ITPK1: variants seen among roughly 807,000 people sequenced by gnomAD.
ITPK1 encodes the protein inositol 1,3,4-trisphosphate 5/6-kinase.
In ITPK1, 21 loss-of-function variants were observed where a neutral mutation model predicts 45.3. The observed-to-expected ratio is 0.46, with a 90% confidence interval of 0.33 to 0.67. The LOEUF is 0.67. ITPK1 is among the 30% of genes least tolerant of loss of function. The probability of loss-of-function intolerance (pLI) is 0.02; values close to 1 mark genes in which losing one functional copy is unlikely to be tolerated. For missense variants in ITPK1, 474 were observed against 573.5 expected (o/e 0.83, Z 1.77); for synonymous variants, 258 against 253.6 (o/e 1.02, Z -0.16).
intron 2 of ITPK1, among the ~76,000 whole-genome samples, chr14:93,109,118 G>T (rs1226385731): frequency 2.6e-5 from 4 of 152,296 alleles, no homozygotes; most frequent in Non-Finnish European, 5.9e-5. Context: ...GTATTGTCAT[G>T]CTGCCCATAC....
rs539077038 is a variant in ITPK1, at chr14:93,012,786, T to G, written c.246+3890A>C. ...GATAAAGACAGGGCAAAGGCAGCAG[T>G]TGAGACTGAAACTTCCTTCTTAGTC... is the stretch of plus-strand genomic sequence containing the variant. On this transcript the variant is annotated intron_variant, in intron 4 of 10. Transcript: ENST00000267615. The surrounding 1 kb of genome is among the most constrained non-coding windows in gnomAD (Gnocchi z 4.9). Among the ~76,000 whole-genome samples the G allele has an allele frequency of 7.2e-5, 11 of 152,176 alleles. No homozygotes were observed. Among genetic ancestry groups the G allele is most frequent in the Non-Finnish European group, 1.6e-4 (11 of 68,026 alleles).
At chr14:93,040,137 T>A (rs1298259814) in intron 3 of ITPK1, among the ~76,000 whole-genome samples, 3 of 152,202 alleles carry the variant, frequency 2.0e-5, no homozygotes, top group Non-Finnish European at 4.4e-5. Flanking sequence ...AAACCGCATA[T>A]CCACACGTCT....
At chr14:93,057,536 G>A (rs1442580311) in intron 3 of ITPK1, among the ~76,000 whole-genome samples, 1 of 152,224 alleles carries the variant, frequency 6.6e-6, no homozygotes, top group Non-Finnish European at 1.5e-5. Context: ...GAAAGGCTAA[G>A]AAAGGAAACA....
intron 4 of ITPK1, among the ~76,000 whole-genome samples, chr14:93,011,237 T>C (rs1887887976): frequency 6.6e-6 from 1 of 152,172 alleles, no homozygotes; most frequent in Admixed American, 6.5e-5. Context: ...GCTGCAAAGC[T>C]GTAGTTAACC....
At chr14:93,008,496 C>T (rs1415419919) in intron 4 of ITPK1, among the ~76,000 whole-genome samples, 1 of 152,194 alleles carries the variant, frequency 6.6e-6, no homozygotes, top group Non-Finnish European at 1.5e-5. Context: ...CGGGTAGGGG[C>T]CAGGGCCAGA....
In ITPK1 at chr14:92,938,121, A is replaced by G. The variant is rs1305288503; in HGVS notation, c.*3440T>C. ...ACTACAGGCGCCCACCACCATGTCCAGCTAATTTTTGTATTTTTAGTAGAG... is the reference window on the plus strand; with the variant it reads ...ACTACAGGCGCCCACCACCATGTCCGGCTAATTTTTGTATTTTTAGTAGAG... On this transcript the variant is annotated 3_prime_UTR_variant, in exon 11 of 11. Coordinates refer to ENST00000267615, the MANE Select transcript of ITPK1 (RefSeq NM_014216.6). 2 of 269,028 alleles carry G rather than the reference A, an allele frequency of 7.4e-6. No individual in the cohort carries two copies. Among genetic ancestry groups the G allele is most frequent in the Non-Finnish European group, 1.4e-5 (2 of 141,208 alleles). 16.7% of individuals were successfully genotyped at this position (269,028 alleles called of 1,614,324 possible). A position where few individuals can be genotyped will look rare whatever the true frequency, so the allele number is the denominator to read the frequency against.
At chr14:92,995,883 C>T (rs1260897734) in intron 4 of ITPK1, among the ~76,000 whole-genome samples, 1 of 152,226 alleles carries the variant, frequency 6.6e-6, no homozygotes, top group African/African-American at 2.4e-5. Context: ...CAGTGCCTCT[C>T]TCCTGACAGT....
At position 93,115,189 on chromosome 14, in the gene ITPK1, G is replaced by A; in HGVS notation, c.-26C>T. 2 of 1,549,824 alleles carry A rather than the reference G, an allele frequency of 1.3e-6. No homozygotes were observed. Among genetic ancestry groups the A allele is most frequent in the Non-Finnish European group, 8.8e-7 (1 of 1,130,476 alleles). On this transcript the variant is annotated 5_prime_UTR_variant, in exon 2 of 11. Coordinates refer to ENST00000267615, the MANE Select transcript of ITPK1 (RefSeq NM_014216.6). Reference sequence around the variant, plus strand: ...CTTCCTCCTCGGGCGGGGAGCCTGGGTCCGGAGGAAATCGCCCACAGGCCG... The same window carrying A: ...CTTCCTCCTCGGGCGGGGAGCCTGGATCCGGAGGAAATCGCCCACAGGCCG...
Position 92,938,538 on chromosome 14 carries a change from G to A in ITPK1, c.*3023C>T. 1 of 1,610,724 alleles carries A rather than the reference G, an allele frequency of 6.2e-7. No individual in the cohort carries two copies. Among genetic ancestry groups the A allele is most frequent in the Non-Finnish European group, 8.5e-7 (1 of 1,176,896 alleles). Reference sequence around the variant, plus strand: ...CACTTGGCAGTCCCCTGGGTACAGAGAGGAATGTTTTTCCCAGGTTGCTTT... The same window carrying A: ...CACTTGGCAGTCCCCTGGGTACAGAAAGGAATGTTTTTCCCAGGTTGCTTT... On this transcript the variant is annotated 3_prime_UTR_variant, in exon 11 of 11. Transcript: ENST00000267615.
chr14:93,079,918 G>A (rs923045063), intron 2 of ITPK1, among the ~76,000 whole-genome samples: 6 of 152,180 alleles, frequency 3.9e-5, no homozygotes, highest in Admixed American at 1.3e-4. Flanking sequence ...TCACCCCACA[G>A]ACAGGCTCAA....
rs551407036 is a variant in ITPK1, at chr14:92,985,931, T to A, written c.364+7949A>T. On this transcript the variant is annotated intron_variant, in intron 5 of 10. Transcript: ENST00000267615. The stretch of plus-strand genomic sequence containing the variant: ...TACAGATAGGAAAGCTGGGGCTCAA[T>A]GCAGTTAAATAACCTGCCTAAATGC... Among the ~76,000 whole-genome samples, 3 of 152,304 alleles carry A rather than the reference T, an allele frequency of 2.0e-5. No individual in the cohort carries two copies. In the South Asian group the frequency reaches 6.2e-4, roughly 32 times the overall value.
chr14:92,948,647 TAA>T (rs36040096), intron 9 of ITPK1, among the ~76,000 whole-genome samples: 1 of 145,268 alleles, frequency 6.9e-6, no homozygotes, highest in Non-Finnish European at 1.5e-5. Flanking sequence ...GCACCTGAAT[TAA>T]AAAAAAAAAA....
chr14:92,963,198 C>A (rs1885182570), intron 5 of ITPK1, among the ~76,000 whole-genome samples: 1 of 152,212 alleles, frequency 6.6e-6, no homozygotes, highest in South Asian at 2.1e-4. Context: ...GAGAGCTGTA[C>A]AAATTTTGTA....
chr14:93,029,764 C>A lies in ITPK1; in HGVS notation c.121-12963G>T, dbSNP rs1344077382. On this transcript the variant is annotated intron_variant, in intron 3 of 10. Transcript: ENST00000267615. ...CAGGCCATGAGCATCTTGCAGGCCC[C>A]TTCCTCTACAGCCAAGCATAGTAAG... 2.0e-5 allele frequency among the ~76,000 whole-genome samples: 3 copies of A among 152,358 alleles called. No individual in the cohort carries two copies. In the East Asian group the frequency reaches 5.8e-4, roughly 29 times the overall value.
chr14:93,085,067 A>G (rs901804557), intron 2 of ITPK1, among the ~76,000 whole-genome samples: 1 of 152,196 alleles, frequency 6.6e-6, no homozygotes, highest in African/African-American at 2.4e-5. Flanking sequence ...TTCCTGGGCC[A>G]GGCTCCAGCC....
intron 3 of ITPK1, among the ~76,000 whole-genome samples, chr14:93,037,982 A>G (rs190800899): frequency 2.6e-4 from 39 of 152,338 alleles, no homozygotes; most frequent in Admixed American, 8.5e-4. Context: ...AACTGAAATT[A>G]TACTACACAA....
At chr14:93,059,453 G>C (rs1264020414) in intron 3 of ITPK1, among the ~76,000 whole-genome samples, 2 of 104,578 alleles carry the variant, frequency 1.9e-5, no homozygotes, top group Non-Finnish European at 3.9e-5. Flanking sequence ...GGGACGGAGG[G>C]AGTGCAGGTC....
At chr14:93,031,897 C>T (rs1889081049) in intron 3 of ITPK1, among the ~76,000 whole-genome samples, 1 of 152,240 alleles carries the variant, frequency 6.6e-6, no homozygotes, top group Non-Finnish European at 1.5e-5. Context: ...TTCTATGCAT[C>T]CTTTTTAACA....
intron 5 of ITPK1, among the ~76,000 whole-genome samples, chr14:92,978,621 T>G (rs1886068740): frequency 1.3e-5 from 2 of 151,950 alleles, no homozygotes; most frequent in African/African-American, 4.9e-5. Flanking sequence ...GCATCCTGCA[T>G]CCCAGCTGCT....
Sources: allele counts gnomAD v4.1 joint callset (sites outside exome capture counted in the v4.1 genomes callset), GRCh38; gene constraint gnomAD v4.1.1; non-coding constraint Gnocchi (gnomAD v3.1); transcripts MANE v1.5; gene names NCBI Gene and HGNC (gene_info 2026-07-23, HGNC 2026-07-21).